The following IGF2R variants were observed in gnomAD, a reference collection of about 807,000 sequenced individuals.
IGF2R encodes cation-independent mannose-6-phosphate receptor.
IGF2R carries 91 observed loss-of-function variants against 270.6 expected under a neutral mutation model. The ratio of observed to expected loss-of-function variants is 0.34; its 90% CI spans 0.28 to 0.40. IGF2R has a LOEUF of 0.40. Among genes scored for constraint, IGF2R ranks in the 10% least tolerant of loss-of-function variants. The probability of loss-of-function intolerance (pLI) is 1.00; values close to 1 mark genes in which losing one functional copy is unlikely to be tolerated. For missense variants in IGF2R, 2,805 were observed against 3,188.3 expected, an observed-to-expected ratio of 0.88 and a Z score of 2.90; for synonymous variants, 1,316 against 1,258.9, an observed-to-expected ratio of 1.05 and a Z score of -0.96.
At position 160,096,571 on chromosome 6, in the gene IGF2R, C is replaced by G; in HGVS notation, c.6788C>G (p.Thr2263Ser). 1 of 1,614,194 alleles carries G rather than the reference C, an allele frequency of 6.2e-7. No individual in the cohort carries two copies. Reference sequence around the variant, plus strand: ...GGGATCCCCGAGTTCAGTCACGAGACTGCCGACTGCCAGTACCTCTTCTCT... The same window carrying G: ...GGGATCCCCGAGTTCAGTCACGAGAGTGCCGACTGCCAGTACCTCTTCTCT... ...EDGIPEFSHE[T>S]ADCQYLFSWY... Residue 2263 changes from threonine (T) to serine (S), a missense_variant, in exon 45 of 48, where the codon ACT becomes AGT. Coordinates refer to ENST00000356956, the MANE Select transcript of IGF2R (RefSeq NM_000876.4).
chr6:160,060,494 T>TG, intron 22 of IGF2R, 53 bp from the exon 23 acceptor site: 1 of 1,575,274 alleles, frequency 6.3e-7, no homozygotes, highest in South Asian at 1.1e-5. Flanking sequence ...GCTTGTGGGC[T>TG]GCGCCATGAA....
intron 1 of IGF2R, among the ~76,000 whole-genome samples, chr6:159,990,787 G>A (rs1036234193): frequency 4.6e-5 from 7 of 152,102 alleles, no homozygotes; most frequent in Admixed American, 6.5e-5. Context: ...GTGCCACCAC[G>A]CCCAGCTAAT....
rs529556606 is a variant in IGF2R, at chr6:160,088,896, G to T, written c.6321-211G>T. The stretch of plus-strand genomic sequence containing the variant: ...AGAAGTGAGTAAAATAACCACCCTC[G>T]CTCCGAGCTGCCGTCAGTGTTGAGT... On this transcript the variant is annotated intron_variant, in intron 42 of 47. Coordinates refer to ENST00000356956, the MANE Select transcript of IGF2R (RefSeq NM_000876.4). Among the ~76,000 whole-genome samples the T allele has an allele frequency of 9.8e-5, 15 of 152,298 alleles. No individual in the cohort carries two copies. The South Asian group carries it at 3.1e-3, about 32-fold the overall frequency.
At chr6:160,056,936 A>G (rs1778329484) in intron 20 of IGF2R, among the ~76,000 whole-genome samples, 1 of 152,190 alleles carries the variant, frequency 6.6e-6, no homozygotes, top group Non-Finnish European at 1.5e-5. Flanking sequence ...CCCTATCCAT[A>G]GAGCACAGCC....
At chr6:159,969,630 C>T (rs1432862145) in intron 1 of IGF2R, among the ~76,000 whole-genome samples, 3 of 152,264 alleles carry the variant, frequency 2.0e-5, no homozygotes, top group African/African-American at 4.8e-5. Flanking sequence ...CCTGGAGCCC[C>T]GCGTCCGGCC....
chr6:160,059,323 A>G (rs1778381899), intron 22 of IGF2R, among the ~76,000 whole-genome samples: 1 of 152,194 alleles, frequency 6.6e-6, no homozygotes, highest in Admixed American at 6.5e-5. Context: ...ATGGTCCGAA[A>G]ATAATAAGGT....
intron 2 of IGF2R, among the ~76,000 whole-genome samples, chr6:160,002,227 CA>C (rs2115192834): frequency 6.6e-6 from 1 of 151,708 alleles, no homozygotes; most frequent in Non-Finnish European, 1.5e-5. Flanking sequence ...CCCATCTCTG[CA>C]AAAAATAAAA....
intron 33 of IGF2R, 141 bp downstream of exon 33, chr6:160,073,025 T>TG: frequency 7.4e-7 from 1 of 1,359,728 alleles, no homozygotes; most frequent in Non-Finnish European, 1.0e-6. Context: ...AGTCACCCCA[T>TG]GTGGGGGACA....
intron 4 of IGF2R, among the ~76,000 whole-genome samples, chr6:160,021,803 C>A (rs1285443118): frequency 6.6e-6 from 1 of 152,038 alleles, no homozygotes; most frequent in Non-Finnish European, 1.5e-5. Context: ...TTAGAATGAC[C>A]TTTATGGAAA....
intron 4 of IGF2R, among the ~76,000 whole-genome samples, chr6:160,017,261 G>A (rs1256174402): frequency 6.6e-6 from 1 of 152,188 alleles, no homozygotes; most frequent in East Asian, 1.9e-4. Context: ...AGACGAAGCA[G>A]AAGGAAGAAT....
intron 35 of IGF2R, among the ~76,000 whole-genome samples, chr6:160,074,720 T>G (rs1778818893): frequency 6.6e-6 from 1 of 152,242 alleles, no homozygotes; most frequent in African/African-American, 2.4e-5. Flanking sequence ...TATTATGCTT[T>G]AAAGATGGAT....
chr6:160,003,437 G>A (rs746938615), intron 2 of IGF2R: 10 of 152,098 alleles, frequency 6.6e-5, no homozygotes, highest in Non-Finnish European at 1.2e-4. Flanking sequence ...TGACTCAAAC[G>A]GATAGAAGAA....
Position 160,032,632 on chromosome 6 carries a change from T to G in IGF2R, c.964T>G (p.Tyr322Asp). Residue 322 changes from tyrosine (Y) to aspartate (D), a missense_variant, in exon 8 of 48, where the codon TAC becomes GAC. Coordinates refer to ENST00000356956, the MANE Select transcript of IGF2R (RefSeq NM_000876.4). ...WITEYACHRDYLESKTCSLSG... is the reference protein window; with the variant it reads ...WITEYACHRDDLESKTCSLSG... Reference sequence around the variant, plus strand: ...TACTGAGTATGCCTGCCACAGAGATTACCTGGAAAGTAAAACTTGTTCTCT... The same window carrying G: ...TACTGAGTATGCCTGCCACAGAGATGACCTGGAAAGTAAAACTTGTTCTCT... The G allele has an allele frequency of 6.2e-7, 1 of 1,614,200 alleles. No homozygotes were observed. The highest frequency in any genetic ancestry group is 8.5e-7 in the Non-Finnish European group (1 of 1,180,014).
rs35817668 is a variant in IGF2R, at chr6:160,109,928, AT to A, written c.*4849del. 2 of 152,178 alleles carry A rather than the reference AT, an allele frequency of 1.3e-5. No individual in the cohort carries two copies. Among genetic ancestry groups the A allele is most frequent in the South Asian group, 2.1e-4 (1 of 4,824 alleles). 9.4% of individuals were successfully genotyped at this position (152,178 alleles called of 1,614,324 possible). ...TAGGTATGGATTGTCATATAGAAAC[AT>A]TTTTCGCAGTGTGCCCCGTGGAACA... On this transcript the variant is annotated 3_prime_UTR_variant, in exon 48 of 48. Coordinates refer to ENST00000356956, the MANE Select transcript of IGF2R (RefSeq NM_000876.4).
chr6:160,062,168 A>ATTTTTTTTT (rs34356477), intron 25 of IGF2R, among the ~76,000 whole-genome samples: 5 of 106,620 alleles, frequency 4.7e-5, no homozygotes, highest in Admixed American at 1.1e-4. Flanking sequence ...CATTTATTTA[A>ATTTTTTTTT]TTTTTTTTTT....
At chr6:160,087,394 C>T (rs1261619524) in intron 41 of IGF2R, among the ~76,000 whole-genome samples, 1 of 152,190 alleles carries the variant, frequency 6.6e-6, no homozygotes, top group East Asian at 1.9e-4. Flanking sequence ...TCTATACATG[C>T]CCGAAACCTG....
At chr6:159,971,369 G>T (rs549569803) in intron 1 of IGF2R, among the ~76,000 whole-genome samples, 2 of 152,288 alleles carry the variant, frequency 1.3e-5, no homozygotes, top group African/African-American at 4.8e-5. Context: ...ACTGTCACAC[G>T]TGGGCATACT....
chr6:160,104,334 TC>T (rs1045704908), intron 47 of IGF2R, among the ~76,000 whole-genome samples: 66 of 151,896 alleles, frequency 4.3e-4, no homozygotes, highest in African/African-American at 1.6e-3. Context: ...GAGCCCCTTC[TC>T]CCCCAGCTGC....
chr6:160,048,304 T>A (rs1330196074), intron 17 of IGF2R, 71 bp from the exon 18 acceptor site: 66 of 1,431,978 alleles, frequency 4.6e-5, no homozygotes, highest in Non-Finnish European at 6.3e-5. Flanking sequence ...CTTCCCCAAC[T>A]ACATAGAAAT....
Sources: gnomAD v4.1 joint callset for allele counts (sites outside exome capture counted in the v4.1 genomes callset) on GRCh38, gnomAD v4.1.1 for gene constraint, MANE v1.5 for transcripts, NCBI Gene and HGNC (gene_info 2026-07-23, HGNC 2026-07-21) for gene names.